Variants in EPHB1 observed in about 807,000 individuals in gnomAD.
EPHB1 encodes the protein EPH receptor B1, also known as ephrin type-B receptor 1.
Under a neutral mutation model 94.4 loss-of-function variants are expected in EPHB1, and 30 were observed. The ratio of observed to expected loss-of-function variants is 0.32; its 90% CI spans 0.24 to 0.43. The LOEUF (loss-of-function observed/expected upper bound fraction) is 0.43, where lower values mean the gene tolerates loss of function less well. Ranked by LOEUF, EPHB1 falls within the 20% of genes least tolerant of loss-of-function variation. The pLI is 1.00. For missense variants in EPHB1, 1,055 were observed against 1,308.3 expected, an observed-to-expected ratio of 0.81 and a Z score of 2.99; for synonymous variants, 522 against 489.1, an observed-to-expected ratio of 1.07 and a Z score of -0.89.
chr3:134,976,687 A>G (rs368319292), intron 3 of EPHB1, among the ~76,000 whole-genome samples: 3 of 152,274 alleles, frequency 2.0e-5, no homozygotes, highest in East Asian at 3.9e-4. Context: ...ATTCTTCCAT[A>G]AACAACCTTA....
At chr3:135,164,495 C>A (rs1302094307) in intron 7 of EPHB1, among the ~76,000 whole-genome samples, 1 of 152,146 alleles carries the variant, frequency 6.6e-6, no homozygotes, top group Non-Finnish European at 1.5e-5. Context: ...ATTCTGATAG[C>A]TCATGGGAAA....
chr3:135,051,702 G>A (rs970129754), intron 3 of EPHB1, among the ~76,000 whole-genome samples: 1 of 152,184 alleles, frequency 6.6e-6, no homozygotes, highest in Non-Finnish European at 1.5e-5. Flanking sequence ...ATTGCATTAA[G>A]TATTGCTATT....
intron 4 of EPHB1, among the ~76,000 whole-genome samples, chr3:135,118,485 A>T (rs1939804505): frequency 6.6e-6 from 1 of 152,210 alleles, no homozygotes; most frequent in Admixed American, 6.5e-5. Context: ...AGAAGGGCTA[A>T]ATGACTTGCC....
At chr3:135,152,128 A>C (rs745548355) in intron 5 of EPHB1, among the ~76,000 whole-genome samples, 23 of 152,230 alleles carry the variant, frequency 1.5e-4, no homozygotes, top group Non-Finnish European at 2.9e-4. Flanking sequence ...CTTGGGTGGC[A>C]TGTAATGGTC....
intron 3 of EPHB1, among the ~76,000 whole-genome samples, chr3:134,990,260 C>T (rs1219378545): frequency 1.3e-5 from 2 of 152,156 alleles, no homozygotes; most frequent in Admixed American, 1.3e-4. Flanking sequence ...TTTATTTATT[C>T]TATTTGCTGG....
At chr3:135,004,488 G>A (rs1445268969) in intron 3 of EPHB1, among the ~76,000 whole-genome samples, 2 of 152,098 alleles carry the variant, frequency 1.3e-5, no homozygotes, top group Non-Finnish European at 2.9e-5. Flanking sequence ...TGTATTTCCT[G>A]AATCTGAACG....
At chr3:135,041,269 C>T (rs1252678258) in intron 3 of EPHB1, among the ~76,000 whole-genome samples, 1 of 152,160 alleles carries the variant, frequency 6.6e-6, no homozygotes, top group Non-Finnish European at 1.5e-5. Context: ...CAGCCTTCCC[C>T]CAAACCATAA....
chr3:134,860,765 A>T (rs1306415094), intron 1 of EPHB1, among the ~76,000 whole-genome samples: 1 of 79,584 alleles, frequency 1.3e-5, no homozygotes, highest in African/African-American at 3.2e-5. Context: ...GTGAGCCGAG[A>T]TTGTGCCACT....
At chr3:134,936,833 T>C (rs2039013056) in intron 2 of EPHB1, among the ~76,000 whole-genome samples, 1 of 152,184 alleles carries the variant, frequency 6.6e-6, no homozygotes, top group Non-Finnish European at 1.5e-5. Flanking sequence ...GTGTTTGCCT[T>C]TAGGTGCAAA....
chr3:135,239,925 G>A (rs1349073615), intron 12 of EPHB1, among the ~76,000 whole-genome samples: 2 of 152,152 alleles, frequency 1.3e-5, no homozygotes, highest in Non-Finnish European at 2.9e-5. Flanking sequence ...CTGTGTAGGT[G>A]CTGATGAGAA....
intron 1 of EPHB1, among the ~76,000 whole-genome samples, chr3:134,887,122 T>G (rs533717199): frequency 6.6e-6 from 1 of 152,284 alleles, no homozygotes; most frequent in African/African-American, 2.4e-5. Flanking sequence ...TCTCTTCTGG[T>G]TTTACTTGGC....
At chr3:134,877,252 C>T (rs189263968) in intron 1 of EPHB1, among the ~76,000 whole-genome samples, 5 of 152,332 alleles carry the variant, frequency 3.3e-5, no homozygotes, top group South Asian at 2.1e-4. Flanking sequence ...ATGTCACAGA[C>T]AGGACACCTG....
At chr3:135,035,488 T>C (rs1443309132) in intron 3 of EPHB1, among the ~76,000 whole-genome samples, 1 of 152,172 alleles carries the variant, frequency 6.6e-6, no homozygotes, top group East Asian at 1.9e-4. Context: ...AAAAGTGAAT[T>C]ACCTTTAATT....
At chr3:135,240,675 G>A (rs1171181535) in intron 12 of EPHB1, among the ~76,000 whole-genome samples, 2 of 152,190 alleles carry the variant, frequency 1.3e-5, no homozygotes, top group South Asian at 4.1e-4. Flanking sequence ...GCATGACCTT[G>A]TAGTGGCAGG....
chr3:134,849,933 G>C (rs1385891641), intron 1 of EPHB1, among the ~76,000 whole-genome samples: 1 of 152,156 alleles, frequency 6.6e-6, no homozygotes, highest in Non-Finnish European at 1.5e-5. Flanking sequence ...TGGGGAAAAG[G>C]ACCATCATCC....
At chr3:134,952,987 G>T (rs976591050) in intron 3 of EPHB1, among the ~76,000 whole-genome samples, 2 of 152,122 alleles carry the variant, frequency 1.3e-5, no homozygotes, top group Admixed American at 1.3e-4. Context: ...GCCTTCAAAG[G>T]TCCTGATTCT....
chr3:135,053,502 G>A (rs546527172), intron 3 of EPHB1, among the ~76,000 whole-genome samples: 3 of 152,148 alleles, frequency 2.0e-5, no homozygotes, highest in Non-Finnish European at 4.4e-5. Flanking sequence ...ATGTAACAGT[G>A]TAAGACTGGC....
intron 3 of EPHB1, among the ~76,000 whole-genome samples, chr3:135,088,248 A>G (rs1398566038): frequency 2.6e-5 from 4 of 152,158 alleles, no homozygotes; most frequent in Non-Finnish European, 5.9e-5. Flanking sequence ...ATAGCTGGAA[A>G]GGGCATCAGC....
chr3:135,075,438 C>T (rs1365511889), intron 3 of EPHB1, among the ~76,000 whole-genome samples: 2 of 152,174 alleles, frequency 1.3e-5, no homozygotes, highest in East Asian at 3.9e-4. Flanking sequence ...CCCCATTTCC[C>T]CGTCTGTTTC....
Sources: allele counts gnomAD v4.1 joint callset (sites outside exome capture counted in the v4.1 genomes callset), GRCh38; gene constraint gnomAD v4.1.1; transcripts MANE v1.5; gene names NCBI Gene and HGNC (gene_info 2026-07-23, HGNC 2026-07-21).